Variants in SEMA5B observed in about 807,000 individuals in gnomAD.
SEMA5B encodes the protein semaphorin 5B.
SEMA5B carries 66 observed loss-of-function variants against 135.0 expected under a neutral mutation model. The observed-to-expected ratio is 0.49, with a 90% confidence interval of 0.40 to 0.60. The LOEUF is 0.60. Ranked by LOEUF, SEMA5B falls within the 20% of genes least tolerant of loss-of-function variation. The pLI is 0.00. For synonymous variants in SEMA5B, 690 were observed against 639.5 expected (o/e 1.08, Z -1.19); for missense variants, 1,501 against 1,566.3 (o/e 0.96, Z 0.70).
chr3:122,926,739 C>A, intron 8 of SEMA5B, 62 bp from the exon 9 acceptor site: 1 of 1,570,402 alleles, frequency 6.4e-7, no homozygotes, highest in South Asian at 1.2e-5. Flanking sequence ...ATGGCAGAGT[C>A]GGGAGGACTC....
At chr3:122,947,073 A>T (rs1939821487) in intron 3 of SEMA5B, among the ~76,000 whole-genome samples, 1 of 151,436 alleles carries the variant, frequency 6.6e-6, no homozygotes, top group Non-Finnish European at 1.5e-5. Context: ...TATTGCCCCC[A>T]ACAAAGCCCC....
chr3:122,944,021 T>C (rs1576354560), intron 3 of SEMA5B, among the ~76,000 whole-genome samples: 2 of 152,126 alleles, frequency 1.3e-5, no homozygotes, highest in African/African-American at 4.8e-5. Context: ...ACCTGAACGC[T>C]TGTTCTCAAA....
intron 4 of SEMA5B, among the ~76,000 whole-genome samples, chr3:122,943,014 AG>A (rs1939626061): frequency 6.6e-6 from 1 of 152,208 alleles, no homozygotes; most frequent in African/African-American, 2.4e-5. Flanking sequence ...CCTTCGGGAA[AG>A]GTTCTACCCC....
upstream of SEMA5B, among the ~76,000 whole-genome samples, chr3:123,028,140 G>A (rs1942852773): frequency 1.3e-5 from 2 of 152,292 alleles, no homozygotes; most frequent in South Asian, 4.1e-4. Context: ...CATCGGCGCG[G>A]CCTGCCCACC....
At chr3:122,934,236 A>G (rs1226031648) in intron 5 of SEMA5B, among the ~76,000 whole-genome samples, 1 of 150,228 alleles carries the variant, frequency 6.7e-6, no homozygotes, top group Non-Finnish European at 1.5e-5. Context: ...GAAGTAGCCC[A>G]GCTAATTGAT....
chr3:122,982,304 T>C (rs1371598534), intron 1 of SEMA5B, among the ~76,000 whole-genome samples: 3 of 152,150 alleles, frequency 2.0e-5, no homozygotes, highest in Non-Finnish European at 2.9e-5. Context: ...GTTCACAAAA[T>C]CAGGAAATGT....
Position 122,922,261 on chromosome 3 carries a change from G to A in SEMA5B, c.1459C>T (p.His487Tyr), listed in dbSNP as rs1431264521. The A allele has an allele frequency of 1.2e-6, 2 of 1,613,930 alleles. No homozygotes were observed. Among genetic ancestry groups the A allele is most frequent in the South Asian group, 1.1e-5 (1 of 91,022 alleles). The change falls in exon 11 of 23, where the codon CAT becomes TAT. Residue 487 changes from histidine to tyrosine, a missense_variant. Physicochemically the swap from His to Tyr is moderately conservative, Grantham distance 83 (BLOSUM62 2). Around this residue, in one of 2 missense-constraint regions of SEMA5B, gnomAD observed 574 missense variants for 684.7 expected, o/e 0.84. Coordinates refer to ENST00000357599, the MANE Select transcript of SEMA5B (RefSeq NM_001031702.4). ...TCACCGGTGCCAATGTAGAGTACAT[G>A]GTAGAGCGTGTCTTTAGCCTGCACC... ...DLVQAKDTLY[H>Y]VLYIGTESGT...
intron 3 of SEMA5B, among the ~76,000 whole-genome samples, chr3:122,947,673 G>A (rs1250093272): frequency 1.3e-5 from 2 of 152,148 alleles, no homozygotes; most frequent in South Asian, 2.1e-4. Flanking sequence ...AGGCAGTGAC[G>A]ATCTCCTGGC....
chr3:122,943,958 C>T (rs1489200650), intron 3 of SEMA5B, among the ~76,000 whole-genome samples: 3 of 152,190 alleles, frequency 2.0e-5, no homozygotes, highest in East Asian at 3.8e-4. Flanking sequence ...CCAACAGCCT[C>T]CTAACCAGCC....
intron 1 of SEMA5B, among the ~76,000 whole-genome samples, chr3:123,024,735 G>C (rs1942761531): frequency 6.6e-6 from 1 of 152,212 alleles, no homozygotes; most frequent in Non-Finnish European, 1.5e-5. Context: ...AGGGAGACAA[G>C]ATAACATGTA....
chr3:122,913,265 A>G lies in SEMA5B; in HGVS notation c.2440T>C (p.Phe814Leu). The G allele has an allele frequency of 6.3e-7, 1 of 1,585,366 alleles. No individual in the cohort carries two copies. Among genetic ancestry groups the G allele is most frequent in the Non-Finnish European group, 8.5e-7 (1 of 1,174,330 alleles). ...APLADPHGLQFGRRRTETRTC... is the reference protein window; with the variant it reads ...APLADPHGLQLGRRRTETRTC... ...CTCGTCTCGGTCCTTCTCCTGCCGA[A>G]CTGCAGGCCGTGCGGGTCTGCAAGG... Residue 814 changes from phenylalanine to leucine, a missense_variant, in exon 17 of 23, where the codon TTC (phenylalanine) becomes CTC (leucine). This residue lies in a region of SEMA5B where 927 missense variants were observed against 881.6 expected (regional missense o/e 1.05). Transcript: ENST00000357599.
intron 5 of SEMA5B, among the ~76,000 whole-genome samples, chr3:122,931,875 A>T (rs1938990365): frequency 6.6e-6 from 1 of 152,226 alleles, no homozygotes; most frequent in Non-Finnish European, 1.5e-5. Flanking sequence ...ATGTGATCCT[A>T]AAATGGTTTG....
intron 1 of SEMA5B, among the ~76,000 whole-genome samples, chr3:122,984,446 C>T (rs554074246): frequency 1.1e-4 from 16 of 152,334 alleles, no homozygotes; most frequent in Middle Eastern, 6.8e-3. Context: ...TCGGGGGCTG[C>T]CAATATGCCC....
intron 2 of SEMA5B, among the ~76,000 whole-genome samples, chr3:122,954,568 C>A (rs745988350): frequency 8.5e-5 from 13 of 152,146 alleles, no homozygotes; most frequent in Non-Finnish European, 1.8e-4. Context: ...GAAGAGGTGG[C>A]CCATGAGATG....
chr3:122,988,270 C>G (rs914012509), intron 1 of SEMA5B, among the ~76,000 whole-genome samples: 5 of 152,170 alleles, frequency 3.3e-5, no homozygotes, highest in African/African-American at 2.4e-5. Flanking sequence ...AATGGCAGAG[C>G]CAGGAACTCA....
intron 1 of SEMA5B, among the ~76,000 whole-genome samples, chr3:122,994,250 G>A (rs1941966943): frequency 1.3e-5 from 2 of 152,094 alleles, no homozygotes; most frequent in East Asian, 1.9e-4. Flanking sequence ...ATAGTGGGGA[G>A]TAGAGGATAT....
chr3:123,004,569 T>A (rs1366821580), intron 1 of SEMA5B, among the ~76,000 whole-genome samples: 2 of 152,246 alleles, frequency 1.3e-5, no homozygotes, highest in Non-Finnish European at 2.9e-5. Context: ...TGTAAAACTG[T>A]TGTTGCTTAA....
Position 122,914,632 on chromosome 3 carries a change from G to GT in SEMA5B, c.1989-632dup, listed in dbSNP as rs1211498216. Among the ~76,000 whole-genome samples, 4 of 152,316 alleles carry GT rather than the reference G, an allele frequency of 2.6e-5. No individual in the cohort carries two copies. The East Asian group carries it at 5.8e-4, about 22-fold the overall frequency. ...TACATTAATAAATGTGTATGAAATA[G>GT]TTTTTTTAAGAGTGTCCAAGGCTGG... On this transcript the variant is annotated intron_variant, in intron 14 of 22. Coordinates refer to ENST00000357599, the MANE Select transcript of SEMA5B (RefSeq NM_001031702.4).
intron 2 of SEMA5B, among the ~76,000 whole-genome samples, chr3:122,949,287 A>T (rs1939943793): frequency 6.6e-6 from 1 of 152,224 alleles, no homozygotes; most frequent in Non-Finnish European, 1.5e-5. Flanking sequence ...CAAAAACAAC[A>T]TCAATCAAAA....
Sources: gnomAD v4.1 joint callset for allele counts (sites outside exome capture counted in the v4.1 genomes callset) on GRCh38, gnomAD v4.1.1 for gene constraint, gnomAD v4.1.1 regional missense constraint, MANE v1.5 for transcripts, NCBI Gene and HGNC (gene_info 2026-07-23, HGNC 2026-07-21) for gene names.